The following LAMB4 variants were observed in gnomAD, a reference collection of about 807,000 sequenced individuals.
LAMB4 encodes the protein laminin subunit beta 4, also known as laminin subunit beta-4.
A neutral mutation model predicts 199.2 loss-of-function variants in LAMB4; 196 were observed. The ratio of observed to expected loss-of-function variants is 0.98; its 90% CI spans 0.88 to 1.11. LAMB4 has a LOEUF of 1.11. LAMB4 is among the 50% of genes least tolerant of loss of function. The pLI is 0.00. For missense variants in LAMB4, 2,080 were observed against 2,171.2 expected (o/e 0.96, Z 0.83); for synonymous variants, 744 against 770.6 (o/e 0.97, Z 0.57).
intron 14 of LAMB4, among the ~76,000 whole-genome samples, chr7:108,090,508 A>C (rs569098461): frequency 1.2e-3 from 177 of 152,264 alleles, no homozygotes; most frequent in African/African-American, 4.1e-3. Context: ...CCCCCCTCAC[A>C]AATGAAATCA....
chr7:108,084,429 A>C (rs145850050), intron 14 of LAMB4, among the ~76,000 whole-genome samples: 33 of 151,728 alleles, frequency 2.2e-4, no homozygotes, highest in African/African-American at 7.7e-4. Context: ...TGCTGTCACC[A>C]TCTTGATATA....
At chr7:108,071,390 A>G (rs1039238410) in intron 17 of LAMB4, among the ~76,000 whole-genome samples, 5 of 152,070 alleles carry the variant, frequency 3.3e-5, no homozygotes, top group African/African-American at 9.7e-5. Context: ...TCTTGGCCAC[A>G]CTGGGCCACC....
rs896595161 is a variant in LAMB4 at position 108,024,264 on chromosome 7, A to T, written c.5147-86T>A. 1.1e-5 allele frequency: 7 copies of T among 648,262 alleles called. No homozygotes were observed. The African/African-American group carries it at 1.3e-4, about 12-fold the overall frequency. 40.2% of individuals were successfully genotyped at this position (648,262 alleles called of 1,614,324 possible). ...TACATTATACCAAACACAGGGATTT[A>T]TGCGCCTCTCAAAGATATATTTAGT... is the stretch of plus-strand genomic sequence containing the variant. On this transcript the variant is annotated intron_variant, in intron 33 of 33. Coordinates refer to ENST00000388781, the MANE Select transcript of LAMB4 (RefSeq NM_007356.3).
chr7:108,105,766 CAG>C, intron 8 of LAMB4, 49 bp downstream of exon 8: 1 of 1,471,082 alleles, frequency 6.8e-7, no homozygotes, highest in Non-Finnish European at 9.5e-7. Flanking sequence ...AGCACCAGGA[CAG>C]TGAAAGGCAG....
At position 108,025,417 on chromosome 7, in the gene LAMB4, C is replaced by CTT. The variant is rs772964568; in HGVS notation, c.5147-1241_5147-1240dup. Among the ~76,000 whole-genome samples the CTT allele has an allele frequency of 1.0e-3, 111 of 107,514 alleles. 3 individuals are homozygous for CTT. The highest frequency in any genetic ancestry group is 5.6e-3 in the African/African-American group (84 of 14,988). The allele number at this position is 107,514 out of a possible 152,430, so 70.5% of individuals were successfully genotyped here. A position where few individuals can be genotyped will look rare whatever the true frequency, so the allele number is the denominator to read the frequency against. ...TCTTTCTTTCTTTCTTTCTTTCTTT[C>CTT]TTCTTTCTTTCTTTCTTTTTTTTTT... is the stretch of plus-strand genomic sequence containing the variant. On this transcript the variant is annotated intron_variant, in intron 33 of 33. Coordinates refer to ENST00000388781, the MANE Select transcript of LAMB4 (RefSeq NM_007356.3).
chr7:108,121,931 G>T (rs2038614611), intron 2 of LAMB4, among the ~76,000 whole-genome samples: 1 of 152,128 alleles, frequency 6.6e-6, no homozygotes, highest in South Asian at 2.1e-4. Flanking sequence ...AACTATCAAT[G>T]GGAAAATTCC....
In LAMB4 at chr7:108,023,934, G is replaced by T; in HGVS notation, c.*105C>A. The T allele has an allele frequency of 2.1e-6, 2 of 935,472 alleles. No individual in the cohort carries two copies. The highest frequency in any genetic ancestry group is 3.1e-6 in the Non-Finnish European group (2 of 651,972). 57.9% of individuals were successfully genotyped at this position (935,472 alleles called of 1,614,324 possible). A position where few individuals can be genotyped will look rare whatever the true frequency, so the allele number is the denominator to read the frequency against. ...CTAATAAGGACAGGGTGTGGGGAAGGAAGGTAGAAGACATTGTCAGTATTT... is the reference window on the plus strand; with the variant it reads ...CTAATAAGGACAGGGTGTGGGGAAGTAAGGTAGAAGACATTGTCAGTATTT... On this transcript the variant is annotated 3_prime_UTR_variant, in exon 34 of 34. Transcript: ENST00000388781.
rs2036727962 is a variant in LAMB4 at position 108,077,002 on chromosome 7, T to C, written c.2066A>G (p.Tyr689Cys). The C allele has an allele frequency of 6.2e-7, 1 of 1,613,620 alleles. No individual in the cohort carries two copies. Among genetic ancestry groups the C allele is most frequent in the African/African-American group, 1.3e-5 (1 of 74,876 alleles). Residue 689 changes from tyrosine (Y) to cysteine (C), a missense_variant, in exon 17 of 34, where the codon TAT becomes TGT. Transcript: ENST00000388781. The part of the protein sequence containing the change: ...EPDVQYSIDV[Y>C]FSQPLQGESH... ...CTCTCCTTGCAAAGGCTGAGAAAAA[T>C]AGACATCTATGGAATATTGTACATC...
At chr7:108,115,975 C>T (rs201325300) in intron 3 of LAMB4, 29 bp downstream of exon 3, 2 of 1,599,916 alleles carry the variant, frequency 1.3e-6, no homozygotes, top group African/African-American at 1.3e-5. Flanking sequence ...TAAATAATGT[C>T]CCAGCAAATA....
intron 1 of LAMB4, among the ~76,000 whole-genome samples, chr7:108,126,721 C>A (rs1276224356): frequency 6.7e-6 from 1 of 148,646 alleles, no homozygotes; most frequent in South Asian, 2.1e-4. Context: ...CCCGCCACCG[C>A]GCCCGACTAA....
intron 1 of LAMB4, among the ~76,000 whole-genome samples, chr7:108,129,183 C>T (rs1282523751): frequency 6.6e-6 from 1 of 152,172 alleles, no homozygotes; most frequent in Non-Finnish European, 1.5e-5. Context: ...GAGAAAAGGG[C>T]CATGTGGTGC....
chr7:108,025,489 C>T (rs1415274950), intron 33 of LAMB4, among the ~76,000 whole-genome samples: 3 of 149,098 alleles, frequency 2.0e-5, no homozygotes, highest in Admixed American at 1.4e-4. Context: ...AGTGCAATGG[C>T]GTGATCTCAG....
chr7:108,034,470 C>T lies in LAMB4; in HGVS notation c.4680-124G>A, dbSNP rs1020277537. ...AATTATTAAGTAAATTTAAATTACT[C>T]TTAAACAAGAGAAAGTGCTGAAGTC... On this transcript the variant is annotated intron_variant, in intron 30 of 33. Coordinates refer to ENST00000388781, the MANE Select transcript of LAMB4 (RefSeq NM_007356.3). The T allele has an allele frequency of 7.6e-5, 57 of 745,938 alleles. No homozygotes were observed. Among genetic ancestry groups the T allele is most frequent in the Admixed American group, 1.7e-4 (6 of 36,116 alleles). The allele number at this position is 745,938 out of a possible 1,614,324, so 46.2% of individuals were successfully genotyped here.
At chr7:108,051,281 T>C (rs1355297693) in intron 26 of LAMB4, among the ~76,000 whole-genome samples, 2 of 152,218 alleles carry the variant, frequency 1.3e-5, no homozygotes, top group Non-Finnish European at 2.9e-5. Flanking sequence ...AATTAGGTAT[T>C]CCTACCTGCC....
intron 22 of LAMB4, 71 bp from the exon 23 acceptor site, chr7:108,063,065 G>A (rs1217207247): frequency 2.2e-5 from 21 of 969,566 alleles, no homozygotes; most frequent in Non-Finnish European, 3.1e-5. Context: ...CATACAAACA[G>A]CGTTTTAGAC....
chr7:108,016,188 G>C, the LAMB4 span, among the ~76,000 whole-genome samples: 4 of 151,800 alleles, frequency 2.6e-5, no homozygotes, highest in African/African-American at 7.3e-5. Flanking sequence ...CCAACTAACA[G>C]AGTGGCCCTG....
rs2034745603 is a variant in LAMB4, at chr7:108,023,904, G to C, written c.*135C>G. The C allele has an allele frequency of 1.8e-6, 1 of 560,534 alleles. No individual in the cohort carries two copies. 34.7% of individuals were successfully genotyped at this position (560,534 alleles called of 1,614,324 possible). On this transcript the variant is annotated 3_prime_UTR_variant, in exon 34 of 34. Coordinates refer to ENST00000388781, the MANE Select transcript of LAMB4 (RefSeq NM_007356.3). ...TTTCAACCTCCAGCCACACTGAGCAGGTGTCTAATAAGGACAGGGTGTGGG... is the reference window on the plus strand; with the variant it reads ...TTTCAACCTCCAGCCACACTGAGCACGTGTCTAATAAGGACAGGGTGTGGG...
rs999328173 is a variant in LAMB4 at position 108,030,853 on chromosome 7, T to C, written c.4945A>G (p.Lys1649Glu). 5 of 1,614,204 alleles carry C rather than the reference T, an allele frequency of 3.1e-6. No individual in the cohort carries two copies. Among genetic ancestry groups the C allele is most frequent in the Non-Finnish European group, 4.2e-6 (5 of 1,180,024 alleles). Residue 1649 changes from lysine (K) to glutamate (E), a missense_variant, in exon 32 of 34, where the codon AAA (lysine) becomes GAA (glutamate). Transcript: ENST00000388781. ...TGTTGGGCAGATTCAGCCTGAACTT[T>C]CGCATTGACAGCGTGGTCTTGATGC... Reference protein sequence around the residue: ...QRHQDHAVNAKVQAESAQHQA... With the variant: ...QRHQDHAVNAEVQAESAQHQA...
At position 108,106,518 on chromosome 7, in the gene LAMB4, A is replaced by G. The variant is rs746042436; in HGVS notation, c.646T>C (p.Tyr216His). The change falls in exon 7 of 34, where the codon TAC becomes CAC. Residue 216 changes from tyrosine (Y) to histidine (H), a missense_variant. Physicochemically the swap from Tyr to His is moderately conservative, Grantham distance 83. Coordinates refer to ENST00000388781, the MANE Select transcript of LAMB4 (RefSeq NM_007356.3). ...SFEIENPYSP[Y>H]IQDLVTLTNL... Reference sequence around the variant, plus strand: ...ATAAAGGAATTCATACCTTGGATGTAGGGGCTATAAGGGTTTTCAATTTCA... The same window carrying G: ...ATAAAGGAATTCATACCTTGGATGTGGGGGCTATAAGGGTTTTCAATTTCA... The G allele has an allele frequency of 5.1e-6, 8 of 1,571,890 alleles. 2 individuals carry two copies. The highest frequency in any genetic ancestry group is 2.7e-5 in the African/African-American group (2 of 73,570).
Sources: gnomAD v4.1 joint callset for allele counts (sites outside exome capture counted in the v4.1 genomes callset) on GRCh38, gnomAD v4.1.1 for gene constraint, MANE v1.5 for transcripts, NCBI Gene and HGNC (gene_info 2026-07-23, HGNC 2026-07-21) for gene names.